Variants in RIMS2 observed in about 807,000 individuals in gnomAD.
RIMS2 encodes regulating synaptic membrane exocytosis protein 2.
RIMS2 carries 59 observed loss-of-function variants against 174.4 expected under a neutral mutation model. The observed-to-expected ratio is 0.34, with a 90% CI of 0.27 to 0.42. RIMS2 has a LOEUF of 0.42. Among genes scored for constraint, RIMS2 ranks in the 10% least tolerant of loss-of-function variants. The probability of loss-of-function intolerance (pLI) is 1.00; values close to 1 mark genes in which losing one functional copy is unlikely to be tolerated. For synonymous variants in RIMS2, 606 were observed against 572.5 expected (o/e 1.06, Z -0.84); for missense variants, 1,620 against 1,666.3 (o/e 0.97, Z 0.48).
intron 2 of RIMS2, among the ~76,000 whole-genome samples, chr8:103,757,037 G>A (rs911118960): frequency 4.0e-5 from 6 of 148,840 alleles, no homozygotes; most frequent in African/African-American, 1.5e-4. Flanking sequence ...GAGAGAGAGA[G>A]ATACAGAGAG....
intron 19 of RIMS2, among the ~76,000 whole-genome samples, chr8:104,058,505 C>A (rs1330972744): frequency 6.7e-6 from 1 of 149,756 alleles, no homozygotes; most frequent in African/African-American, 2.5e-5. Context: ...AAATTTTCTC[C>A]CATGTTGTAG....
At chr8:104,159,906 A>T (rs2098750606) in intron 19 of RIMS2, among the ~76,000 whole-genome samples, 1 of 152,196 alleles carries the variant, frequency 6.6e-6, no homozygotes, top group Non-Finnish European at 1.5e-5. Flanking sequence ...TGGGAGGCCA[A>T]GGCGGGCCGA....
chr8:104,139,454 G>C (rs2133450248), intron 19 of RIMS2, among the ~76,000 whole-genome samples: 1 of 152,110 alleles, frequency 6.6e-6, no homozygotes, highest in Non-Finnish European at 1.5e-5. Flanking sequence ...GTGTTTTGTA[G>C]TTTTATTATA....
intron 19 of RIMS2, among the ~76,000 whole-genome samples, chr8:104,196,796 A>G (rs1479524899): frequency 6.6e-6 from 1 of 152,160 alleles, no homozygotes; most frequent in East Asian, 1.9e-4. Context: ...TATTTAATTT[A>G]ACTTAGTATA....
At chr8:104,240,423 G>A (rs2099280635) in intron 19 of RIMS2, among the ~76,000 whole-genome samples, 1 of 152,086 alleles carries the variant, frequency 6.6e-6, no homozygotes, top group Non-Finnish European at 1.5e-5. Context: ...TAGTTTTATT[G>A]TAAATGTAGC....
chr8:103,917,422 C>A (rs748268224), intron 8 of RIMS2, among the ~76,000 whole-genome samples: 1 of 152,040 alleles, frequency 6.6e-6, no homozygotes, highest in African/African-American at 2.4e-5. Context: ...AAATTGTATT[C>A]ATTTTTTATT....
At chr8:103,509,887 C>T (rs1202018259) in intron 1 of RIMS2, among the ~76,000 whole-genome samples, 1 of 151,930 alleles carries the variant, frequency 6.6e-6, no homozygotes, top group South Asian at 2.1e-4. Flanking sequence ...TGTCAAAACT[C>T]TTACTTTTTG....
chr8:103,671,346 G>A (rs1192479596), intron 1 of RIMS2, among the ~76,000 whole-genome samples: 1 of 152,166 alleles, frequency 6.6e-6, no homozygotes, highest in Non-Finnish European at 1.5e-5. Flanking sequence ...CATTCGAATA[G>A]CACATCTTAA....
chr8:104,252,538 AAAAG>A (rs1181291365), downstream of RIMS2: 1 of 152,294 alleles, frequency 6.6e-6, no homozygotes, highest in Non-Finnish European at 1.5e-5. Flanking sequence ...AAAAAAAAAA[AAAAG>A]AATAAAAATC....
intron 19 of RIMS2, among the ~76,000 whole-genome samples, chr8:104,164,404 G>GT (rs769168164): frequency 1.6e-5 from 2 of 122,922 alleles, no homozygotes; most frequent in African/African-American, 3.3e-5. Flanking sequence ...CATTTGGAAA[G>GT]TTTTTTCCAA....
intron 2 of RIMS2, among the ~76,000 whole-genome samples, chr8:103,709,211 A>G (rs927845778): frequency 8.5e-5 from 13 of 152,064 alleles, no homozygotes; most frequent in African/African-American, 2.7e-4. Context: ...GATATATTCT[A>G]TGCTCTGTGT....
chr8:103,910,045 G>T (rs2075349835), intron 4 of RIMS2: 2 of 741,980 alleles, frequency 2.7e-6, no homozygotes, highest in African/African-American at 1.8e-5. Flanking sequence ...GACCAGACAG[G>T]ATCACACAGT....
chr8:103,535,283 G>A (rs769235914), intron 1 of RIMS2, among the ~76,000 whole-genome samples: 2 of 152,154 alleles, frequency 1.3e-5, no homozygotes. Flanking sequence ...CTCTTGCTAT[G>A]CAGCCTATCG....
chr8:104,123,250 A>G (rs1446308380), intron 19 of RIMS2, among the ~76,000 whole-genome samples: 1 of 152,034 alleles, frequency 6.6e-6, no homozygotes, highest in Non-Finnish European at 1.5e-5. Flanking sequence ...TTTAATGTAT[A>G]TGTAGAGGAA....
At chr8:103,890,360 A>G (rs1038797585) in intron 4 of RIMS2, among the ~76,000 whole-genome samples, 2 of 151,772 alleles carry the variant, frequency 1.3e-5, no homozygotes, top group Non-Finnish European at 2.9e-5. Context: ...TCTGCCAAGA[A>G]CTCTTTCAGT....
At chr8:104,042,331 A>T (rs2096623440) in intron 19 of RIMS2, among the ~76,000 whole-genome samples, 3 of 151,622 alleles carry the variant, frequency 2.0e-5, no homozygotes, top group Admixed American at 2.0e-4. Context: ...AGACCGATTT[A>T]TGAAGATTAT....
intron 2 of RIMS2, among the ~76,000 whole-genome samples, chr8:103,733,341 G>A (rs1236579347): frequency 6.6e-6 from 1 of 151,976 alleles, no homozygotes; most frequent in Non-Finnish European, 1.5e-5. Flanking sequence ...GCAGAGGAAC[G>A]AAGTCTCTCC....
chr8:103,697,559 A>C (rs1054222190), intron 2 of RIMS2, among the ~76,000 whole-genome samples: 5 of 150,296 alleles, frequency 3.3e-5, no homozygotes, highest in African/African-American at 4.9e-5. Context: ...AAAAAAAAAA[A>C]CAAAAAAAAC....
intron 14 of RIMS2, among the ~76,000 whole-genome samples, chr8:103,954,490 T>C (rs2086486139): frequency 6.6e-6 from 1 of 152,146 alleles, no homozygotes; most frequent in African/African-American, 2.4e-5. Context: ...AACAACCTGC[T>C]CCTGAATGAC....
Sources: gnomAD v4.1 joint callset for allele counts (sites outside exome capture counted in the v4.1 genomes callset) on GRCh38, gnomAD v4.1.1 for gene constraint, MANE v1.5 for transcripts, NCBI Gene and HGNC (gene_info 2026-07-23, HGNC 2026-07-21) for gene names.